EFEMP1: variants seen among roughly 807,000 people sequenced by gnomAD.
The protein encoded by EFEMP1 is EGF-like fibulin extracellular matrix protein 1.
Under a neutral mutation model 65.7 loss-of-function variants are expected in EFEMP1, and 18 were observed. The ratio of observed to expected loss-of-function variants is 0.27; its 90% CI spans 0.19 to 0.41. The LOEUF is 0.41. EFEMP1 is among the 10% of genes least tolerant of loss of function. EFEMP1 has a pLI of 1.00. For synonymous variants in EFEMP1, 237 were observed against 219.7 expected, an observed-to-expected ratio of 1.08 and a Z score of -0.70; for missense variants, 469 against 624.8, an observed-to-expected ratio of 0.75 and a Z score of 2.66.
chr2:55,896,899 T>A (rs1669846987), intron 5 of EFEMP1, among the ~76,000 whole-genome samples: 1 of 152,188 alleles, frequency 6.6e-6, no homozygotes, highest in Non-Finnish European at 1.5e-5. Context: ...CCCTTCATGA[T>A]TTGACTCTTG....
At chr2:55,878,203 C>T (rs1025535540) in intron 6 of EFEMP1, among the ~76,000 whole-genome samples, 1 of 152,112 alleles carries the variant, frequency 6.6e-6, no homozygotes, top group African/African-American at 2.4e-5. Context: ...TAAAAAAGAA[C>T]TACTGAAGTG....
chr2:55,867,987 A>G lies in EFEMP1; in HGVS notation c.1321-753T>C, dbSNP rs1037215745. On this transcript the variant is annotated intron_variant, in intron 11 of 11. Transcript: ENST00000355426. The surrounding 1 kb of genome is among the most constrained non-coding windows in gnomAD (Gnocchi z 4.3). ...GGATTAGTATTTAGCAGTCACCTCA[A>G]TGGGTGGACATTAAACCAAGGGAGA... Among the ~76,000 whole-genome samples, 6 of 152,084 alleles carry G rather than the reference A, an allele frequency of 3.9e-5. No homozygotes were observed. Among genetic ancestry groups the G allele is most frequent in the African/African-American group, 1.4e-4 (6 of 41,426 alleles).
rs953276490 is a variant in EFEMP1, at chr2:55,919,291, G to A, written c.82-1024C>T. 1.3e-5 allele frequency among the ~76,000 whole-genome samples: 2 copies of A among 152,204 alleles called. No individual in the cohort carries two copies. The highest frequency in any genetic ancestry group is 4.8e-5 in the African/African-American group (2 of 41,446). On this transcript the variant is annotated intron_variant, in intron 3 of 11. Coordinates refer to ENST00000355426, the MANE Select transcript of EFEMP1 (RefSeq NM_001039348.3). This position sits in a 1 kb window ranked among gnomAD's most constrained non-coding sequence, Gnocchi z 4.5. ...TGGAAGCCTGAATTCTACCCTGAAGGTCAGTGAATCTCAAGCTTTATTGTG... is the reference window on the plus strand; with the variant it reads ...TGGAAGCCTGAATTCTACCCTGAAGATCAGTGAATCTCAAGCTTTATTGTG...
At chr2:55,896,643 C>A (rs1669839771) in intron 5 of EFEMP1, among the ~76,000 whole-genome samples, 1 of 152,046 alleles carries the variant, frequency 6.6e-6, no homozygotes, top group Admixed American at 6.5e-5. Context: ...AGAATAAAAC[C>A]AGTTGTAATT....
rs1341804885 is a variant in EFEMP1 at position 55,866,710 on chromosome 2, C to T, written c.*363G>A. 1 of 201,042 alleles carries T rather than the reference C, an allele frequency of 5.0e-6. No homozygotes were observed. The highest frequency in any genetic ancestry group is 1.0e-5 in the Non-Finnish European group (1 of 98,210). The allele number at this position is 201,042 out of a possible 1,614,324, so 12.5% of individuals were successfully genotyped here. A position where few individuals can be genotyped will look rare whatever the true frequency, so the allele number is the denominator to read the frequency against. On this transcript the variant is annotated 3_prime_UTR_variant, in exon 12 of 12. Coordinates refer to ENST00000355426, the MANE Select transcript of EFEMP1 (RefSeq NM_001039348.3). Reference sequence around the variant, plus strand: ...TGCTATTCAATGGTTATGATGGCTGCCTCCTTATGAGACTGTTAGTGGAGC... The same window carrying T: ...TGCTATTCAATGGTTATGATGGCTGTCTCCTTATGAGACTGTTAGTGGAGC...
intron 5 of EFEMP1, among the ~76,000 whole-genome samples, chr2:55,888,292 G>A (rs1669498406): frequency 6.7e-6 from 1 of 148,464 alleles, no homozygotes; most frequent in Non-Finnish European, 1.5e-5. Context: ...ATCTTTGTGA[G>A]TATGTCATAC....
intron 4 of EFEMP1, 28 bp from the exon 5 acceptor site, chr2:55,918,079 A>G (rs753353169): frequency 1.4e-5 from 23 of 1,614,174 alleles, no homozygotes; most frequent in Non-Finnish European, 1.9e-5. Context: ...ATAAGTCAGG[A>G]ATCTTCTAAG....
At chr2:55,878,015 T>C in intron 6 of EFEMP1, 150 bp from the exon 7 acceptor site, 1 of 937,030 alleles carries the variant, frequency 1.1e-6, no homozygotes, top group South Asian at 1.7e-5. Flanking sequence ...GTATTTTAAA[T>C]ATACTTTGTA....
chr2:55,880,503 G>T (rs1669199852), intron 6 of EFEMP1, among the ~76,000 whole-genome samples: 1 of 152,144 alleles, frequency 6.6e-6, no homozygotes, highest in Admixed American at 6.5e-5. Flanking sequence ...TTCCTCAGAG[G>T]CTGGGCACTA....
At chr2:55,899,010 C>T (rs1669937312) in intron 5 of EFEMP1, among the ~76,000 whole-genome samples, 1 of 152,216 alleles carries the variant, frequency 6.6e-6, no homozygotes, top group African/African-American at 2.4e-5. Flanking sequence ...AATACTGTCA[C>T]CATTATGCTG....
At chr2:55,897,130 A>T (rs1213511134) in intron 5 of EFEMP1, among the ~76,000 whole-genome samples, 1 of 152,288 alleles carries the variant, frequency 6.6e-6, no homozygotes, top group East Asian at 1.9e-4. Flanking sequence ...TCACACTGTA[A>T]TTACTGTCTG....
intron 5 of EFEMP1, among the ~76,000 whole-genome samples, chr2:55,902,310 A>G (rs1558479478): frequency 6.8e-6 from 1 of 146,282 alleles, no homozygotes; most frequent in African/African-American, 2.7e-5. Flanking sequence ...AAGAAATTCC[A>G]AAAGGTGAAA....
In EFEMP1 at chr2:55,873,066, CCACACACACA is replaced by C. The variant is rs58841515; in HGVS notation, c.1000+1870_1000+1879del. Among the ~76,000 whole-genome samples the C allele has an allele frequency of 3.5e-3, 503 of 145,398 alleles. 8 individuals carry two copies. The highest frequency in any genetic ancestry group is 4.4e-3 in the Non-Finnish European group (289 of 66,114). ...TTCTTTTGTCTCTCTGTCTCTCTCT[CCACACACACA>C]CACACACACACACACACACACACAC... On this transcript the variant is annotated intron_variant, in intron 9 of 11. Coordinates refer to ENST00000355426, the MANE Select transcript of EFEMP1 (RefSeq NM_001039348.3). This position sits in a 1 kb window ranked among gnomAD's most constrained non-coding sequence, Gnocchi z 4.6.
intron 5 of EFEMP1, among the ~76,000 whole-genome samples, chr2:55,895,446 C>G (rs116572977): frequency 6.6e-6 from 1 of 152,210 alleles, no homozygotes; most frequent in East Asian, 1.9e-4. Context: ...CCCTATCTTA[C>G]CAGTAAAGAC....
At position 55,871,401 on chromosome 2, in the gene EFEMP1, C is replaced by G. The variant is rs1259227379; in HGVS notation, c.1001-278G>C. ...TTCAAACCCCAATGTTAACCACTGACTCTGCCTATATAAAAGTTAAACACC... is the reference window on the plus strand; with the variant it reads ...TTCAAACCCCAATGTTAACCACTGAGTCTGCCTATATAAAAGTTAAACACC... On this transcript the variant is annotated intron_variant, in intron 9 of 11. Coordinates refer to ENST00000355426, the MANE Select transcript of EFEMP1 (RefSeq NM_001039348.3). This position sits in a 1 kb window ranked among gnomAD's most constrained non-coding sequence, Gnocchi z 4.2. Among the ~76,000 whole-genome samples the G allele has an allele frequency of 1.3e-5, 2 of 152,138 alleles. No individual in the cohort carries two copies. Among genetic ancestry groups the G allele is most frequent in the African/African-American group, 4.8e-5 (2 of 41,436 alleles).
intron 3 of EFEMP1, 147 bp from the exon 4 acceptor site, chr2:55,918,414 C>T (rs1236348854): frequency 7.3e-6 from 7 of 965,188 alleles, no homozygotes; most frequent in Non-Finnish European, 8.2e-6. Flanking sequence ...GTTTAACATT[C>T]TATCGCTTTT....
chr2:55,880,956 G>A (rs1426694356), intron 6 of EFEMP1, among the ~76,000 whole-genome samples: 1 of 152,188 alleles, frequency 6.6e-6, no homozygotes, highest in African/African-American at 2.4e-5. Context: ...CTCCAGCAGA[G>A]GCACGTGCTG....
chr2:55,878,199 AG>A (rs1320321967), intron 6 of EFEMP1, among the ~76,000 whole-genome samples: 1 of 152,210 alleles, frequency 6.6e-6, no homozygotes, highest in African/African-American at 2.4e-5. Context: ...GAAGTAAAAA[AG>A]AACTACTGAA....
intron 5 of EFEMP1, among the ~76,000 whole-genome samples, chr2:55,899,362 A>G (rs1430984055): frequency 6.6e-6 from 1 of 152,254 alleles, no homozygotes; most frequent in Admixed American, 6.5e-5. Context: ...GGCTTCTAGT[A>G]CAGTTTGAAC....
Sources: gnomAD v4.1 joint callset for allele counts (sites outside exome capture counted in the v4.1 genomes callset) on GRCh38, gnomAD v4.1.1 for gene constraint, Gnocchi (gnomAD v3.1) non-coding constraint, MANE v1.5 for transcripts, NCBI Gene and HGNC (gene_info 2026-07-23, HGNC 2026-07-21) for gene names.